Variants in EPG5 observed in about 807,000 individuals in gnomAD.
EPG5 encodes ectopic P-granules 5 autophagy tethering factor.
EPG5 carries 159 observed loss-of-function variants against 302.7 expected under a neutral mutation model. The ratio of observed to expected loss-of-function variants is 0.53; its 90% CI spans 0.46 to 0.60. The LOEUF is 0.60. Among genes scored for constraint, EPG5 ranks in the 20% least tolerant of loss-of-function variants. The pLI is 0.00. For synonymous variants in EPG5, 1,158 were observed against 1,136.8 expected, an observed-to-expected ratio of 1.02 and a Z score of -0.37; for missense variants, 2,896 against 3,092.4, an observed-to-expected ratio of 0.94 and a Z score of 1.51.
chr18:45,818,906 A>G, the EPG5 span, among the ~76,000 whole-genome samples: 4 of 151,704 alleles, frequency 2.6e-5, no homozygotes, highest in East Asian at 1.9e-4. Context: ...GCTAATTTTC[A>G]TATTTTTAGT....
chr18:45,929,907 T>C (rs2050362257), intron 12 of EPG5, among the ~76,000 whole-genome samples: 1 of 152,178 alleles, frequency 6.6e-6, no homozygotes, highest in African/African-American at 2.4e-5. Flanking sequence ...GGGAAGATAA[T>C]AAAACCCAAA....
rs776785851 is a variant in EPG5, at chr18:45,857,908, T to C, written c.7387A>G (p.Ser2463Gly). 1.9e-6 allele frequency: 3 copies of C among 1,612,682 alleles called. No individual in the cohort carries two copies. The highest frequency in any genetic ancestry group is 2.5e-6 in the Non-Finnish European group (3 of 1,180,026). Residue 2463 changes from serine to glycine, a missense_variant, in exon 42 of 44, where the codon AGC becomes GGC. Physicochemically the swap from Ser to Gly is moderately conservative, Grantham distance 56 (BLOSUM62 0). Transcript: ENST00000282041. ...RQNLVAEERL[S>G]SGILGAIGFG... is the part of the protein sequence containing the mutation. ...CCAATTGCCCCCAGGATCCCAGAGC[T>C]GAGTCTCTCCTCAGCCACGAGGTTC...
intron 38 of EPG5, 31 bp from the exon 39 acceptor site, chr18:45,865,790 A>G: frequency 6.3e-7 from 1 of 1,593,838 alleles, no homozygotes; most frequent in Non-Finnish European, 8.5e-7. Context: ...AAATCATTCA[A>G]ATGAATCCAA....
intron 34 of EPG5, among the ~76,000 whole-genome samples, chr18:45,877,620 T>C (rs2049001584): frequency 6.6e-6 from 1 of 152,186 alleles, no homozygotes; most frequent in Non-Finnish European, 1.5e-5. Context: ...CCTTTTATAC[T>C]TTCCTTAAGT....
chr18:45,917,823 T>C lies in EPG5; in HGVS notation c.3099-4A>G. ...TTCTGCACAGAACTTCTCAATGCTA[T>C]GGAAAAAGAGAAAGGCACTGAATAC... On this transcript the variant is annotated splice_region_variant and splice_polypyrimidine_tract_variant and intron_variant, in intron 16 of 43. Coordinates refer to ENST00000282041, the MANE Select transcript of EPG5 (RefSeq NM_020964.3). 6.2e-7 allele frequency: 1 copy of C among 1,613,768 alleles called. No individual in the cohort carries two copies. The highest frequency in any genetic ancestry group is 1.1e-5 in the South Asian group (1 of 91,006).
chr18:45,922,281 T>C, intron 16 of EPG5, 60 bp downstream of exon 16: 1 of 1,571,680 alleles, frequency 6.4e-7, no homozygotes, highest in South Asian at 1.2e-5. Context: ...ATATGAAACA[T>C]AAAATTCTAG....
intron 14 of EPG5, among the ~76,000 whole-genome samples, chr18:45,925,087 A>G (rs1476584169): frequency 6.6e-6 from 1 of 152,234 alleles, no homozygotes; most frequent in African/African-American, 2.4e-5. Context: ...AACAACCCTG[A>G]CAATGACATG....
intron 10 of EPG5, among the ~76,000 whole-genome samples, chr18:45,935,241 A>G (rs2050493334): frequency 6.6e-6 from 1 of 152,148 alleles, no homozygotes; most frequent in Non-Finnish European, 1.5e-5. Context: ...CACAAAAACC[A>G]AGACAATAAT....
chr18:45,838,450 C>A, the EPG5 span: 1 of 530,288 alleles, frequency 1.9e-6, no homozygotes, highest in Non-Finnish European at 3.2e-6. Context: ...GGGACCTAGT[C>A]CAAGCACCCA....
chr18:45,827,306 T>C, the EPG5 span, among the ~76,000 whole-genome samples: 1 of 152,172 alleles, frequency 6.6e-6, no homozygotes, highest in Non-Finnish European at 1.5e-5. Context: ...GGGGTGGAGC[T>C]GGGATTTGAA....
intron 14 of EPG5, among the ~76,000 whole-genome samples, chr18:45,924,306 C>T (rs530901490): frequency 1.6e-4 from 24 of 152,318 alleles, no homozygotes; most frequent in Admixed American, 2.6e-4. Context: ...TGATTCTGTT[C>T]ACAAGCCAGA....
At chr18:45,952,149 G>C (rs1171473909) in intron 3 of EPG5, among the ~76,000 whole-genome samples, 1 of 152,182 alleles carries the variant, frequency 6.6e-6, no homozygotes. Flanking sequence ...GGACATTAAT[G>C]ATAGATAGTG....
chr18:45,881,574 C>T (rs2049099111), intron 31 of EPG5, among the ~76,000 whole-genome samples: 1 of 152,058 alleles, frequency 6.6e-6, no homozygotes, highest in African/African-American at 2.4e-5. Context: ...ATCTATAAAC[C>T]GTATGAAGTT....
intron 36 of EPG5, among the ~76,000 whole-genome samples, chr18:45,869,249 G>A (rs779966439): frequency 5.3e-5 from 8 of 152,060 alleles, no homozygotes; most frequent in Non-Finnish European, 7.4e-5. Flanking sequence ...ATGGAATTTG[G>A]TGATGATTCA....
At chr18:45,965,123 A>G (rs1211503610) in intron 1 of EPG5, among the ~76,000 whole-genome samples, 1 of 152,198 alleles carries the variant, frequency 6.6e-6, no homozygotes, top group Non-Finnish European at 1.5e-5. Context: ...GCAGCCATAA[A>G]AAAGAACAAA....
the EPG5 span, among the ~76,000 whole-genome samples, chr18:45,813,529 A>G: frequency 1.2e-3 from 190 of 152,358 alleles, no homozygotes; most frequent in African/African-American, 4.4e-3. Context: ...ATGTCCAGCA[A>G]TGACAGACTG....
chr18:45,873,080 T>G (rs1237690961), intron 35 of EPG5, among the ~76,000 whole-genome samples: 1 of 152,214 alleles, frequency 6.6e-6, no homozygotes, highest in Admixed American at 6.5e-5. Context: ...CATCCTACCT[T>G]GCAAAGCTCT....
At chr18:45,905,284 G>A (rs150560615) in intron 24 of EPG5, among the ~76,000 whole-genome samples, 26 of 152,242 alleles carry the variant, frequency 1.7e-4, no homozygotes, top group East Asian at 7.7e-4. Context: ...TTTGTGGACC[G>A]TGATTTTTTT....
At chr18:45,966,590 C>G (rs2051269380) in intron 1 of EPG5, among the ~76,000 whole-genome samples, 1 of 151,994 alleles carries the variant, frequency 6.6e-6, no homozygotes, top group Non-Finnish European at 1.5e-5. Flanking sequence ...CAAACACTTC[C>G]CTACTGTGTG....
Sources: allele counts gnomAD v4.1 joint callset (sites outside exome capture counted in the v4.1 genomes callset), GRCh38; gene constraint gnomAD v4.1.1; transcripts MANE v1.5; gene names NCBI Gene and HGNC (gene_info 2026-07-23, HGNC 2026-07-21).